Variants in NEK1 observed in about 807,000 individuals in gnomAD.
NEK1 encodes the protein NIMA related kinase 1.
Under a neutral mutation model 182.1 loss-of-function variants are expected in NEK1, and 137 were observed. That is an observed-to-expected ratio of 0.75 (90% CI 0.65 to 0.87). The LOEUF (loss-of-function observed/expected upper bound fraction) is 0.87. Among genes scored for constraint, NEK1 ranks in the 40% least tolerant of loss-of-function variants. NEK1 has a pLI of 0.00. For missense variants in NEK1, 1,391 were observed against 1,494.4 expected, an observed-to-expected ratio of 0.93 and a Z score of 1.14; for synonymous variants, 513 against 492.2, an observed-to-expected ratio of 1.04 and a Z score of -0.56.
chr4:169,487,411 G>A (rs913182357), intron 23 of NEK1, among the ~76,000 whole-genome samples: 1 of 152,158 alleles, frequency 6.6e-6, no homozygotes, highest in Non-Finnish European at 1.5e-5. Context: ...ATACCATGAG[G>A]TGTTTGGTTT....
chr4:169,570,739 G>A (rs1764670074), intron 12 of NEK1, among the ~76,000 whole-genome samples: 1 of 152,216 alleles, frequency 6.6e-6, no homozygotes, highest in South Asian at 2.1e-4. Flanking sequence ...ATAGAAAGGG[G>A]GGAAAGGTGG....
Position 169,561,747 on chromosome 4 carries a change from T to C in NEK1, c.1141-10A>G. The C allele has an allele frequency of 6.3e-7, 1 of 1,585,140 alleles. No individual in the cohort carries two copies. On this transcript the variant is annotated splice_polypyrimidine_tract_variant and intron_variant, in intron 14 of 35. Coordinates refer to ENST00000507142, the MANE Select transcript of NEK1 (RefSeq NM_001199397.3). ...TCATTAAACTAATAATCTGTAACAATTTTAAAGACAAGCTTCTTACAACTC... is the reference window on the plus strand; with the variant it reads ...TCATTAAACTAATAATCTGTAACAACTTTAAAGACAAGCTTCTTACAACTC...
intron 27 of NEK1, among the ~76,000 whole-genome samples, chr4:169,451,943 A>C (rs2149469298): frequency 6.6e-6 from 1 of 152,344 alleles, no homozygotes; most frequent in Admixed American, 6.5e-5. Context: ...AAAAAATGAT[A>C]AAGGGGATAT....
chr4:169,523,831 G>A (rs944754899), intron 19 of NEK1, among the ~76,000 whole-genome samples: 1 of 152,082 alleles, frequency 6.6e-6, no homozygotes, highest in African/African-American at 2.4e-5. Flanking sequence ...ACATATTACA[G>A]TCATTAATTT....
intron 5 of NEK1, among the ~76,000 whole-genome samples, chr4:169,598,323 G>A (rs1769906477): frequency 6.6e-6 from 1 of 152,062 alleles, no homozygotes. Context: ...ACTCCCCTAT[G>A]TAAAAGCGGG....
At chr4:169,533,237 T>C (rs1035555593) in intron 19 of NEK1, among the ~76,000 whole-genome samples, 7 of 152,216 alleles carry the variant, frequency 4.6e-5, no homozygotes, top group African/African-American at 1.4e-4. Flanking sequence ...TTTAAAATCA[T>C]AGTCTTCTCT....
intron 20 of NEK1, among the ~76,000 whole-genome samples, 154 bp downstream of exon 20, chr4:169,508,615 T>C (rs1753695595): frequency 6.6e-6 from 1 of 152,146 alleles, no homozygotes. Context: ...GGCAAAATTA[T>C]AACACAGAAT....
intron 12 of NEK1, among the ~76,000 whole-genome samples, chr4:169,568,784 A>G (rs1473509502): frequency 1.3e-5 from 2 of 152,052 alleles, no homozygotes; most frequent in African/African-American, 4.8e-5. Context: ...AAAATACAAA[A>G]AAATTAGCCG....
At chr4:169,498,772 C>T (rs1207781787) in intron 23 of NEK1, among the ~76,000 whole-genome samples, 1 of 152,222 alleles carries the variant, frequency 6.6e-6, no homozygotes, top group East Asian at 1.9e-4. Context: ...GCCTAGAGAT[C>T]AGCTGTTAGT....
intron 2 of NEK1, among the ~76,000 whole-genome samples, chr4:169,611,550 G>T (rs57396792): frequency 0.097 from 14,729 of 152,098 alleles, 793 homozygotes; most frequent in East Asian, 0.17. Context: ...TCCTAAAGCA[G>T]ATCTTAAAGA....
intron 19 of NEK1, among the ~76,000 whole-genome samples, chr4:169,532,649 A>C (rs1013666610): frequency 1.3e-5 from 2 of 151,986 alleles, no homozygotes; most frequent in Admixed American, 6.6e-5. Flanking sequence ...AATAAAGTCT[A>C]TTTGCTGGGC....
chr4:169,574,101 T>C (rs1765301757), intron 12 of NEK1, among the ~76,000 whole-genome samples: 1 of 152,008 alleles, frequency 6.6e-6, no homozygotes, highest in African/African-American at 2.4e-5. Context: ...AAGGCAGCAG[T>C]GAGCCATGAC....
At chr4:169,561,444 A>T (rs773517178) in intron 16 of NEK1, 36 bp downstream of exon 16, 2 of 1,568,702 alleles carry the variant, frequency 1.3e-6, no homozygotes, top group Non-Finnish European at 8.8e-7. Context: ...TGGAGGGGAA[A>T]ATGGTAGTAT....
chr4:169,594,094 A>C (rs768505114), intron 5 of NEK1, among the ~76,000 whole-genome samples: 28 of 152,090 alleles, frequency 1.8e-4, no homozygotes, highest in Non-Finnish European at 3.8e-4. Context: ...CGAAAATGGG[A>C]TTCTCTTGCT....
intron 27 of NEK1, among the ~76,000 whole-genome samples, chr4:169,442,413 A>G (rs955183410): frequency 2.0e-5 from 3 of 152,146 alleles, no homozygotes; most frequent in African/African-American, 7.2e-5. Context: ...ACCCTACTCA[A>G]CCAACACTAT....
chr4:169,572,143 C>T (rs1764969517), intron 12 of NEK1, among the ~76,000 whole-genome samples: 1 of 152,062 alleles, frequency 6.6e-6, no homozygotes, highest in African/African-American at 2.4e-5. Flanking sequence ...ATTTGGGCTG[C>T]TCACATGAGA....
At chr4:169,486,501 A>C (rs917220926) in intron 23 of NEK1, among the ~76,000 whole-genome samples, 9 of 152,236 alleles carry the variant, frequency 5.9e-5, no homozygotes, top group African/African-American at 2.2e-4. Context: ...GTATGCTAGG[A>C]AAGTATTAAA....
rs1005401123 is a variant in NEK1 at position 169,589,640 on chromosome 4, C to G, written c.397-126G>C. On this transcript the variant is annotated intron_variant, in intron 6 of 35. Coordinates refer to ENST00000507142, the MANE Select transcript of NEK1 (RefSeq NM_001199397.3). ...GCTAGAGTAACTGGATATTCACATA[C>G]AAAAGAATAAATGAAGTCCCCTACC... 2.2e-5 allele frequency: 13 copies of G among 602,838 alleles called. No individual in the cohort carries two copies. The Admixed American group carries it at 3.2e-4, about 15-fold the overall frequency. The allele number at this position is 602,838 out of a possible 1,614,324, so 37.3% of individuals were successfully genotyped here. A position where few individuals can be genotyped will look rare whatever the true frequency, so the allele number is the denominator to read the frequency against.
At chr4:169,485,557 T>A (rs2149584865) in intron 23 of NEK1, among the ~76,000 whole-genome samples, 1 of 152,294 alleles carries the variant, frequency 6.6e-6, no homozygotes, top group South Asian at 2.1e-4. Context: ...AAGCCTTTTA[T>A]ACGGAAAGTT....
Sources: gnomAD v4.1 joint callset for allele counts (sites outside exome capture counted in the v4.1 genomes callset) on GRCh38, gnomAD v4.1.1 for gene constraint, MANE v1.5 for transcripts, NCBI Gene and HGNC (gene_info 2026-07-23, HGNC 2026-07-21) for gene names.